NOL4: variants seen among roughly 807,000 people sequenced by gnomAD.
NOL4 encodes cancer/testis antigen 125.
Under a neutral mutation model 75.9 loss-of-function variants are expected in NOL4, and 17 were observed. That is an observed-to-expected ratio of 0.22 (90% confidence interval 0.15 to 0.34). The LOEUF is 0.34. Ranked by LOEUF, NOL4 falls within the 10% of genes least tolerant of loss-of-function variation. The probability of loss-of-function intolerance (pLI) is 1.00; values close to 1 mark genes in which losing one functional copy is unlikely to be tolerated. For synonymous variants in NOL4, 292 were observed against 289.9 expected, an observed-to-expected ratio of 1.01 and a Z score of -0.07; for missense variants, 614 against 793.5, an observed-to-expected ratio of 0.77 and a Z score of 2.72.
rs2036039503 is a variant in NOL4, at chr18:34,205,243, A to AAT, written c.264+17745_264+17746dup. On this transcript the variant is annotated intron_variant, in intron 1 of 10. Coordinates refer to ENST00000261592, the MANE Select transcript of NOL4 (RefSeq NM_003787.5). Reference sequence around the variant, plus strand: ...AGACCTGAAGGAATGTTGATGAAGTAATAGACAGTTTTCACACTTTAAATG... The same window carrying AAT: ...AGACCTGAAGGAATGTTGATGAAGTAATATAGACAGTTTTCACACTTTAAATG... Among the ~76,000 whole-genome samples the AAT allele has an allele frequency of 2.6e-5, 4 of 152,276 alleles. No individual in the cohort carries two copies. The South Asian group carries it at 8.3e-4, about 32-fold the overall frequency.
Position 33,977,697 on chromosome 18 carries a change from TTTA to T in NOL4, c.1057-19282_1057-19280del, listed in dbSNP as rs1373753223. Among the ~76,000 whole-genome samples the T allele has an allele frequency of 4.6e-5, 7 of 152,318 alleles. No homozygotes were observed. In the East Asian group the frequency reaches 1.2e-3, roughly 25 times the overall value. ...AACTGAGATAATATCTGGTTTGATA[TTTA>T]TTATGTTGACGTCATGTGACATATA... On this transcript the variant is annotated intron_variant, in intron 6 of 10. Transcript: ENST00000261592.
intron 10 of NOL4, among the ~76,000 whole-genome samples, chr18:33,861,068 T>A (rs1456238690): frequency 6.6e-6 from 1 of 152,232 alleles, no homozygotes; most frequent in Non-Finnish European, 1.5e-5. Flanking sequence ...GCATCAATGT[T>A]CATCAAGGAT....
At chr18:34,106,538 T>C (rs547824923) in intron 2 of NOL4, among the ~76,000 whole-genome samples, 5 of 152,094 alleles carry the variant, frequency 3.3e-5, no homozygotes, top group African/African-American at 9.6e-5. Context: ...AATATTATAT[T>C]GACAGAGTAA....
chr18:34,170,373 T>C (rs2032906833), intron 1 of NOL4, among the ~76,000 whole-genome samples: 1 of 152,006 alleles, frequency 6.6e-6, no homozygotes, highest in African/African-American at 2.4e-5. Flanking sequence ...TTTTTTTTAG[T>C]AGAGAGATGG....
At chr18:34,034,324 C>T (rs1297398613) in intron 5 of NOL4, among the ~76,000 whole-genome samples, 1 of 152,174 alleles carries the variant, frequency 6.6e-6, no homozygotes, top group Non-Finnish European at 1.5e-5. Flanking sequence ...AAGATATCGA[C>T]TTGCTGAGTG....
chr18:34,208,418 T>C (rs1270935035), intron 1 of NOL4, among the ~76,000 whole-genome samples: 3 of 151,182 alleles, frequency 2.0e-5, no homozygotes, highest in Admixed American at 6.6e-5. Context: ...AGATGAGATG[T>C]CCTCAGCTAG....
At chr18:34,003,728 CTG>C (rs1479885065) in intron 6 of NOL4, among the ~76,000 whole-genome samples, 2 of 152,168 alleles carry the variant, frequency 1.3e-5, no homozygotes, top group African/African-American at 4.8e-5. Context: ...TTCAGCAAGA[CTG>C]TTTGGTTATC....
intron 1 of NOL4, among the ~76,000 whole-genome samples, chr18:34,146,235 C>T (rs1421804186): frequency 6.6e-6 from 1 of 151,982 alleles, no homozygotes; most frequent in Non-Finnish European, 1.5e-5. Context: ...CATTATTTCA[C>T]TGCTCTAGTG....
chr18:33,924,815 G>A (rs527395598), intron 9 of NOL4, among the ~76,000 whole-genome samples: 1 of 152,164 alleles, frequency 6.6e-6, no homozygotes, highest in Admixed American at 6.5e-5. Context: ...TTAATTTTGT[G>A]GACTAATATT....
chr18:34,156,592 C>T (rs904500703), intron 1 of NOL4: 21 of 152,142 alleles, frequency 1.4e-4, no homozygotes, highest in African/African-American at 4.6e-4. Flanking sequence ...AGAAATGAGA[C>T]TGACACACAA....
At chr18:34,062,124 G>T (rs925491700) in intron 5 of NOL4, among the ~76,000 whole-genome samples, 1 of 151,980 alleles carries the variant, frequency 6.6e-6, no homozygotes, top group Non-Finnish European at 1.5e-5. Context: ...AATAAGAAAT[G>T]CCCAATGAGA....
intron 5 of NOL4, among the ~76,000 whole-genome samples, chr18:34,033,448 A>C (rs760895575): frequency 6.6e-6 from 1 of 151,752 alleles, no homozygotes; most frequent in Non-Finnish European, 1.5e-5. Flanking sequence ...ATCAAGCAGA[A>C]GAAAAAAATC....
intron 1 of NOL4, among the ~76,000 whole-genome samples, chr18:34,207,971 A>G (rs1043910410): frequency 6.6e-6 from 1 of 152,152 alleles, no homozygotes; most frequent in African/African-American, 2.4e-5. Flanking sequence ...GGAGGAAAAA[A>G]ATAGACATGG....
chr18:34,181,530 A>T (rs1281192577), intron 1 of NOL4, among the ~76,000 whole-genome samples: 4 of 151,630 alleles, frequency 2.6e-5, no homozygotes, highest in African/African-American at 4.8e-5. Context: ...TTAAAATATG[A>T]CATATACAGT....
chr18:33,905,474 T>A (rs1257447187), intron 9 of NOL4, among the ~76,000 whole-genome samples: 2 of 152,160 alleles, frequency 1.3e-5, no homozygotes, highest in Non-Finnish European at 2.9e-5. Context: ...GACCTAAAGT[T>A]ACTCATTCAC....
chr18:34,121,323 G>C (rs759067424), intron 2 of NOL4: 16 of 152,138 alleles, frequency 1.1e-4, no homozygotes, highest in Non-Finnish European at 2.4e-4. Flanking sequence ...GGCCCTAGGG[G>C]AGAACCACAA....
At chr18:34,127,114 T>C (rs893172481) in intron 2 of NOL4, among the ~76,000 whole-genome samples, 1 of 151,864 alleles carries the variant, frequency 6.6e-6, no homozygotes, top group Non-Finnish European at 1.5e-5. Context: ...TAAGAAATAA[T>C]ATATATACCC....
rs1245262665 is a variant in NOL4 at position 33,977,563 on chromosome 18, T to C, written c.1057-19145A>G. ...AGTACATTAAACCACATTTTCTTTA[T>C]AAATTACCTAGTCTAGGGTATTTCT... On this transcript the variant is annotated intron_variant, in intron 6 of 10. Coordinates refer to ENST00000261592, the MANE Select transcript of NOL4 (RefSeq NM_003787.5). 2.0e-5 allele frequency among the ~76,000 whole-genome samples: 3 copies of C among 152,284 alleles called. No homozygotes were observed. In the East Asian group the frequency reaches 5.8e-4, roughly 30 times the overall value.
In NOL4 at chr18:34,103,502, C is replaced by T. The variant is rs1330713700; in HGVS notation, c.639+545G>A. Among the ~76,000 whole-genome samples, 3 of 152,072 alleles carry T rather than the reference C, an allele frequency of 2.0e-5. No individual in the cohort carries two copies. In the East Asian group the frequency reaches 5.8e-4, roughly 29 times the overall value. On this transcript the variant is annotated intron_variant, in intron 4 of 10. Transcript: ENST00000261592. ...AATAGGATAACTTAAAACATCAAAA[C>T]ACTTCTAATTAAGAATGACCACAGA... is the stretch of plus-strand genomic sequence containing the variant.
Sources: allele counts gnomAD v4.1 joint callset (sites outside exome capture counted in the v4.1 genomes callset), GRCh38; gene constraint gnomAD v4.1.1; transcripts MANE v1.5; gene names NCBI Gene and HGNC (gene_info 2026-07-23, HGNC 2026-07-21).